The following SLC25A36 variants were observed in gnomAD, a reference collection of about 807,000 sequenced individuals.
SLC25A36 encodes the protein solute carrier family 25 member 36.
SLC25A36 carries 24 observed loss-of-function variants against 35.3 expected under a neutral mutation model. That is an observed-to-expected ratio of 0.68 (90% confidence interval 0.49 to 0.96). The LOEUF (loss-of-function observed/expected upper bound fraction) is 0.96. Among genes scored for constraint, SLC25A36 ranks in the 40% least tolerant of loss-of-function variants. SLC25A36 has a pLI of 0.00. For missense variants in SLC25A36, 294 were observed against 381.1 expected, an observed-to-expected ratio of 0.77 and a Z score of 1.90; for synonymous variants, 141 against 132.2, an observed-to-expected ratio of 1.07 and a Z score of -0.46.
intron 1 of SLC25A36, among the ~76,000 whole-genome samples, chr3:140,946,947 A>G (rs1175046649): frequency 2.0e-5 from 3 of 152,194 alleles, no homozygotes. Flanking sequence ...GGGAGTGAAT[A>G]TAGAGAAGAA....
chr3:140,945,419 G>A (rs1934137076), intron 1 of SLC25A36, among the ~76,000 whole-genome samples: 1 of 152,020 alleles, frequency 6.6e-6, no homozygotes, highest in African/African-American at 2.4e-5. Flanking sequence ...GCAAAACTAA[G>A]GGAAGTTTCT....
intron 6 of SLC25A36, among the ~76,000 whole-genome samples, chr3:140,974,819 A>C (rs1428039904): frequency 1.3e-5 from 2 of 152,190 alleles, no homozygotes; most frequent in Non-Finnish European, 2.9e-5. Flanking sequence ...GGCCTAGAAA[A>C]TGTGTATTTG....
chr3:140,955,762 A>T (rs1189485143), intron 1 of SLC25A36, among the ~76,000 whole-genome samples: 1 of 152,028 alleles, frequency 6.6e-6, no homozygotes, highest in African/African-American at 2.4e-5. Context: ...GCCTGATCAT[A>T]TTCACTGTAG....
intron 1 of SLC25A36, among the ~76,000 whole-genome samples, chr3:140,955,100 C>T (rs1485377049): frequency 6.6e-6 from 1 of 151,962 alleles, no homozygotes; most frequent in Non-Finnish European, 1.5e-5. Flanking sequence ...ATAAGTTTTT[C>T]ACTCTAGTTG....
At chr3:140,967,861 T>C (rs1934802617) in intron 4 of SLC25A36, 1 of 439,498 alleles carries the variant, frequency 2.3e-6, no homozygotes, top group Admixed American at 6.4e-5. Context: ...CTTCTTAACT[T>C]ACAAATGGAT....
chr3:140,941,931 G>C lies in SLC25A36; in HGVS notation c.-124G>C. 1 of 596,246 alleles carries C rather than the reference G, an allele frequency of 1.7e-6. No homozygotes were observed. Among genetic ancestry groups the C allele is most frequent in the Non-Finnish European group, 2.9e-6 (1 of 348,298 alleles). 36.9% of individuals were successfully genotyped at this position (596,246 alleles called of 1,614,324 possible). A position where few individuals can be genotyped will look rare whatever the true frequency, so the allele number is the denominator to read the frequency against. ...CGGTTGCTTTCTGCAGCCGCATCTCGGCCAGCTCTCCTCGCCGTCCCCGGG... is the reference window on the plus strand; with the variant it reads ...CGGTTGCTTTCTGCAGCCGCATCTCCGCCAGCTCTCCTCGCCGTCCCCGGG... On this transcript the variant is annotated 5_prime_UTR_variant, in exon 1 of 7. Transcript: ENST00000324194.
chr3:140,975,097 C>CTTTTTATTTTT (rs1935004764), intron 6 of SLC25A36, among the ~76,000 whole-genome samples: 1 of 55,188 alleles, frequency 1.8e-5, no homozygotes, highest in African/African-American at 6.5e-5. Flanking sequence ...AAGATACATT[C>CTTTTTATTTTT]TTTTTTTTTT....
chr3:140,969,680 T>C (rs1278262901), intron 4 of SLC25A36, among the ~76,000 whole-genome samples: 1 of 151,864 alleles, frequency 6.6e-6, no homozygotes, highest in Non-Finnish European at 1.5e-5. Flanking sequence ...GGAAACAATT[T>C]AGTGTAATTA....
chr3:140,948,089 G>T (rs1223012694), intron 1 of SLC25A36, among the ~76,000 whole-genome samples: 2 of 152,172 alleles, frequency 1.3e-5, no homozygotes, highest in Non-Finnish European at 2.9e-5. Context: ...AAGTAGCTGG[G>T]ATTACAGGTG....
intron 1 of SLC25A36, chr3:140,942,402 T>A: frequency 7.5e-6 from 2 of 267,448 alleles, no homozygotes; most frequent in South Asian, 1.1e-4. Flanking sequence ...GGGGCCGGGG[T>A]GAGGCGGAGG....
intron 1 of SLC25A36, chr3:140,942,568 T>C (rs1019683722): frequency 6.5e-6 from 1 of 153,440 alleles, no homozygotes; most frequent in Non-Finnish European, 1.5e-5. Context: ...GTAGGTTGCA[T>C]GGCCCAAGGG....
intron 1 of SLC25A36, among the ~76,000 whole-genome samples, chr3:140,949,522 G>A (rs150461890): frequency 1.1e-3 from 173 of 152,184 alleles, no homozygotes; most frequent in African/African-American, 4.0e-3. Context: ...TGGCCTTCTC[G>A]TATCTTTTAA....
At chr3:140,956,089 T>C (rs1337291283) in intron 1 of SLC25A36, among the ~76,000 whole-genome samples, 1 of 152,206 alleles carries the variant, frequency 6.6e-6, no homozygotes, top group Non-Finnish European at 1.5e-5. Context: ...TTCTTCCTTA[T>C]TGTTCAGAAG....
chr3:140,974,750 A>C (rs919036951), intron 6 of SLC25A36, among the ~76,000 whole-genome samples: 1 of 151,978 alleles, frequency 6.6e-6, no homozygotes, highest in African/African-American at 2.4e-5. Context: ...ATTTTTGTTC[A>C]CTTACACTGA....
chr3:140,961,564 A>G (rs1934626140), intron 3 of SLC25A36, among the ~76,000 whole-genome samples: 1 of 152,122 alleles, frequency 6.6e-6, no homozygotes, highest in Non-Finnish European at 1.5e-5. Context: ...ATTTAAGACT[A>G]GTGAATATTG....
intron 6 of SLC25A36, among the ~76,000 whole-genome samples, chr3:140,975,083 A>AAGAT (rs2107819270): frequency 7.1e-6 from 1 of 141,834 alleles, no homozygotes; most frequent in African/African-American, 2.6e-5. Context: ...TACAGTTGAT[A>AAGAT]AACAAGATAC....
chr3:140,976,647 A>AC lies in SLC25A36; in HGVS notation c.*194_*195insC. ...CCTTTCGGTAATGTGAAAAAAAAAA[A>AC]AAACCTCAGAGCCTCCAAGGAAATG... is the stretch of plus-strand genomic sequence containing the variant. On this transcript the variant is annotated 3_prime_UTR_variant, in exon 7 of 7. Transcript: ENST00000324194. 2 of 401,526 alleles carry AC rather than the reference A, an allele frequency of 5.0e-6. No individual in the cohort carries two copies. Among genetic ancestry groups the AC allele is most frequent in the Non-Finnish European group, 8.6e-6 (2 of 232,324 alleles). The allele number at this position is 401,526 out of a possible 1,614,324, so 24.9% of individuals were successfully genotyped here.
intron 4 of SLC25A36, 30 bp from the exon 5 acceptor site, chr3:140,970,896 AC>A: frequency 9.8e-7 from 1 of 1,025,230 alleles, no homozygotes; most frequent in Non-Finnish European, 1.5e-6. Context: ...CTTCATTTTT[AC>A]CAGAGTTCAT....
At chr3:140,942,143 C>G (rs774404832) in intron 1 of SLC25A36, 48 bp downstream of exon 1, 4 of 613,868 alleles carry the variant, frequency 6.5e-6, no homozygotes, top group Admixed American at 4.9e-5. Flanking sequence ...GTGCTGGGGC[C>G]GAAGACGCAG....
Sources: allele counts gnomAD v4.1 joint callset (sites outside exome capture counted in the v4.1 genomes callset), GRCh38; gene constraint gnomAD v4.1.1; transcripts MANE v1.5; gene names NCBI Gene and HGNC (gene_info 2026-07-23, HGNC 2026-07-21).